Variants in BBS4 observed in about 807,000 individuals in gnomAD.
BBS4 encodes the protein BBSome complex member BBS4.
BBS4 carries 58 observed loss-of-function variants against 71.4 expected under a neutral mutation model. The ratio of observed to expected loss-of-function variants is 0.81; its 90% confidence interval spans 0.66 to 1.01. The LOEUF is 1.01. BBS4 is among the 50% of genes least tolerant of loss of function. The pLI is 0.00. For missense variants in BBS4, 660 were observed against 607.9 expected, an observed-to-expected ratio of 1.09 and a Z score of -0.90; for synonymous variants, 228 against 216.8, an observed-to-expected ratio of 1.05 and a Z score of -0.46.
At chr15:72,696,218 G>A (rs1250541102) in intron 2 of BBS4, among the ~76,000 whole-genome samples, 5 of 152,064 alleles carry the variant, frequency 3.3e-5, no homozygotes, top group Admixed American at 2.6e-4. Flanking sequence ...AAATTGACCC[G>A]TTTGTCTTTA....
chr15:72,702,802 C>CTTTTTTTTTTTTTGTTTTTT (rs2065194652), intron 2 of BBS4, among the ~76,000 whole-genome samples: 1 of 73,486 alleles, frequency 1.4e-5, no homozygotes, highest in African/African-American at 4.6e-5. Context: ...GGAGCTGACT[C>CTTTTTTTTTTTTTGTTTTTT]TTTTTTTTTT....
In BBS4 at chr15:72,737,584, A is replaced by G. The variant is rs967361946; in HGVS notation, c.1557A>G (p.Lys519=). ...AAACATCAGAACAAATAAGAGAGAA[A>G]TAAGAATAGAATGAATGACCCCAAA... ...PTETSEQIRE[K] The change falls in exon 16 of 16, where the codon AAA becomes AAG. Residue 519 remains lysine (K), a synonymous_variant. Transcript: ENST00000268057. 9 of 1,602,036 alleles carry G rather than the reference A, an allele frequency of 5.6e-6. No individual in the cohort carries two copies. The highest frequency in any genetic ancestry group is 7.7e-6 in the Non-Finnish European group (9 of 1,173,374).
intron 10 of BBS4, among the ~76,000 whole-genome samples, chr15:72,730,279 A>G (rs79563923): frequency 0.045 from 101 of 2,244 alleles, no homozygotes; most frequent in African/African-American, 0.058. Flanking sequence ...ACTCTGTCTC[A>G]AAAAAAAAAA....
At chr15:72,728,294 T>A (rs1306579527) in intron 9 of BBS4, among the ~76,000 whole-genome samples, 1 of 152,104 alleles carries the variant, frequency 6.6e-6, no homozygotes, top group Non-Finnish European at 1.5e-5. Flanking sequence ...GCTCAGGAGT[T>A]GGAGACCAGC....
At chr15:72,720,486 CAAAAA>C (rs60677539) in intron 6 of BBS4, among the ~76,000 whole-genome samples, 12 of 121,400 alleles carry the variant, frequency 9.9e-5, no homozygotes, top group African/African-American at 2.1e-4. Context: ...GACCCTGTCT[CAAAAA>C]AAAAAAAAAA....
chr15:72,735,247 A>G (rs2065899164), intron 13 of BBS4, 65 bp downstream of exon 13: 1 of 1,254,680 alleles, frequency 8.0e-7, no homozygotes, highest in Non-Finnish European at 1.2e-6. Context: ...AGGTGGTGCC[A>G]TACATAGCAT....
intron 2 of BBS4, among the ~76,000 whole-genome samples, chr15:72,700,400 C>G (rs1031153727): frequency 2.7e-4 from 41 of 152,154 alleles, no homozygotes; most frequent in Admixed American, 7.2e-4. Context: ...CAGTTTTACC[C>G]GACCGCCAGC....
intron 2 of BBS4, among the ~76,000 whole-genome samples, chr15:72,702,279 A>G (rs184988506): frequency 1.3e-5 from 2 of 152,296 alleles, no homozygotes; most frequent in Non-Finnish European, 2.9e-5. Context: ...GACCTGGGTT[A>G]TAGTCCTGCC....
rs550371256 is a variant in BBS4 at position 72,737,596 on chromosome 15, T to C, written c.*9T>C. On this transcript the variant is annotated 3_prime_UTR_variant, in exon 16 of 16. Transcript: ENST00000268057. ...AAATAAGAGAGAAATAAGAATAGAA[T>C]GAATGACCCCAAAATAGGGTTTTCT... 6.3e-7 allele frequency: 1 copy of C among 1,588,612 alleles called. No individual in the cohort carries two copies. The highest frequency in any genetic ancestry group is 2.2e-5 in the East Asian group (1 of 44,478).
chr15:72,688,881 A>G (rs2064929405), intron 1 of BBS4, among the ~76,000 whole-genome samples: 1 of 152,216 alleles, frequency 6.6e-6, no homozygotes. Flanking sequence ...GACTTCAGAT[A>G]TTTCCATACT....
chr15:72,719,744 C>T (rs145444455), intron 6 of BBS4, among the ~76,000 whole-genome samples: 137 of 130,066 alleles, frequency 1.1e-3, no homozygotes, highest in Middle Eastern at 8.3e-3. Flanking sequence ...CACAAAACAG[C>T]CATTCTTTTT....
intron 8 of BBS4, among the ~76,000 whole-genome samples, chr15:72,725,631 C>G (rs2065657469): frequency 6.6e-6 from 1 of 152,084 alleles, no homozygotes; most frequent in South Asian, 2.1e-4. Flanking sequence ...AAACATTTGG[C>G]CTTATTAGCA....
At chr15:72,730,170 G>A (rs1470798926) in intron 10 of BBS4, among the ~76,000 whole-genome samples, 1 of 151,890 alleles carries the variant, frequency 6.6e-6, no homozygotes. Context: ...CCAGCTCCTC[G>A]GGAGGCTGAG....
At chr15:72,695,066 G>A in intron 1 of BBS4, 111 bp from the exon 2 acceptor site, 3 of 746,216 alleles carry the variant, frequency 4.0e-6, no homozygotes, top group Non-Finnish European at 7.0e-6. Context: ...GGATTTAATG[G>A]ATTAATTGCA....
intron 6 of BBS4, among the ~76,000 whole-genome samples, chr15:72,718,119 G>C (rs184816426): frequency 6.6e-6 from 1 of 152,272 alleles, no homozygotes; most frequent in African/African-American, 2.4e-5. Flanking sequence ...AAAGTGTTGG[G>C]ATTATAGGTG....
At chr15:72,728,059 G>A in intron 9 of BBS4, 65 bp downstream of exon 9, 2 of 1,188,062 alleles carry the variant, frequency 1.7e-6, no homozygotes, top group Non-Finnish European at 1.3e-6. Context: ...TGTGTGTATG[G>A]TGGTTTTCCT....
intron 1 of BBS4, among the ~76,000 whole-genome samples, chr15:72,693,656 AT>A (rs919219281): frequency 5.3e-5 from 8 of 152,218 alleles, no homozygotes; most frequent in African/African-American, 1.9e-4. Context: ...TATTTTTTGA[AT>A]TTTTTTAACC....
intron 4 of BBS4, among the ~76,000 whole-genome samples, chr15:72,712,923 C>A (rs1355789082): frequency 6.6e-6 from 1 of 151,926 alleles, no homozygotes; most frequent in Non-Finnish European, 1.5e-5. Flanking sequence ...CTTTTTGGCT[C>A]TTTTGGGGTA....
intron 12 of BBS4, 118 bp from the exon 13 acceptor site, chr15:72,734,994 GA>G: frequency 4.1e-6 from 3 of 740,094 alleles, no homozygotes. Flanking sequence ...TATCTAAGCT[GA>G]CTTAGTAAAC....
Sources: gnomAD v4.1 joint callset for allele counts (sites outside exome capture counted in the v4.1 genomes callset) on GRCh38, gnomAD v4.1.1 for gene constraint, MANE v1.5 for transcripts, NCBI Gene and HGNC (gene_info 2026-07-23, HGNC 2026-07-21) for gene names.